Variants in PAWR observed in about 807,000 individuals in gnomAD.
The protein encoded by PAWR is pro-apoptotic WT1 regulator.
Under a neutral mutation model 32.0 loss-of-function variants are expected in PAWR, and 23 were observed. The observed-to-expected ratio is 0.72, with a 90% CI of 0.52 to 1.02. The LOEUF is 1.02. Ranked by LOEUF, PAWR falls within the 50% of genes least tolerant of loss-of-function variation. The pLI, the probability that PAWR is intolerant of heterozygous loss-of-function variation, is 0.00. For synonymous variants in PAWR, 226 were observed against 187.1 expected (o/e 1.21, Z -1.70); for missense variants, 457 against 437.7 (o/e 1.04, Z -0.39).
At position 79,592,655 on chromosome 12, in the gene PAWR, C is replaced by A; in HGVS notation, c.975G>T (p.Lys325Asn). ...CTTTCAAAAGAGTTTTATTTTCCTG[C>A]TTTAGCTGTTCATTTTCATCTTCTA... is the stretch of plus-strand genomic sequence containing the variant. ...DDIEDENEQL[K>N]QENKTLLKVV... Residue 325 changes from lysine (K) to asparagine (N), a missense_variant, in exon 7 of 7, where the codon AAG (lysine) becomes AAT (asparagine). Physicochemically the swap from Lys to Asn is moderately conservative, Grantham distance 94. Transcript: ENST00000328827. The A allele has an allele frequency of 1.3e-6, 1 of 767,624 alleles. No homozygotes were observed. 47.6% of individuals were successfully genotyped at this position (767,624 alleles called of 1,614,324 possible).
chr12:79,591,576 T>C lies in PAWR; in HGVS notation c.*1031A>G, dbSNP rs1873557705. The stretch of plus-strand genomic sequence containing the variant: ...TTTAGAAGTAACTCTGTTTTTAAAA[T>C]TTCAATGTTAGGAAGAAAATCCCTT... On this transcript the variant is annotated 3_prime_UTR_variant, in exon 7 of 7. Coordinates refer to ENST00000328827, the MANE Select transcript of PAWR (RefSeq NM_002583.4). The C allele has an allele frequency of 1.3e-5, 2 of 152,128 alleles. No homozygotes were observed. 9.4% of individuals were successfully genotyped at this position (152,128 alleles called of 1,614,324 possible).
intron 2 of PAWR, among the ~76,000 whole-genome samples, chr12:79,662,876 G>A (rs1407289380): frequency 6.6e-6 from 1 of 151,958 alleles, no homozygotes; most frequent in African/African-American, 2.4e-5. Context: ...TTAATCACAA[G>A]GAAATAATTA....
chr12:79,689,269 C>T (rs950403119), intron 2 of PAWR, among the ~76,000 whole-genome samples: 1 of 152,212 alleles, frequency 6.6e-6, no homozygotes, highest in Non-Finnish European at 1.5e-5. Flanking sequence ...GCTAAGGCAA[C>T]ATTTTCTTTA....
chr12:79,647,929 AC>A (rs1016532101), intron 2 of PAWR, among the ~76,000 whole-genome samples: 17 of 152,070 alleles, frequency 1.1e-4, no homozygotes, highest in African/African-American at 4.1e-4. Context: ...AAACTGTTCT[AC>A]CTCAGATCAT....
chr12:79,690,480 G>T, intron 1 of PAWR, 89 bp from the exon 2 acceptor site: 1 of 751,802 alleles, frequency 1.3e-6, no homozygotes, highest in East Asian at 3.6e-5. Context: ...GCCCCTTGGA[G>T]TCCTCGAGCG....
At chr12:79,624,976 T>C (rs1875212409) in intron 2 of PAWR, among the ~76,000 whole-genome samples, 1 of 152,208 alleles carries the variant, frequency 6.6e-6, no homozygotes, top group East Asian at 1.9e-4. Flanking sequence ...AATGAATATG[T>C]CAATTTGGCA....
intron 3 of PAWR, among the ~76,000 whole-genome samples, chr12:79,614,082 C>T (rs1874610700): frequency 7.2e-6 from 1 of 138,432 alleles, no homozygotes; most frequent in African/African-American, 2.6e-5. Flanking sequence ...GTCATCTGGG[C>T]TCACCGCAAC....
At chr12:79,628,446 G>T (rs1875450112) in intron 2 of PAWR, among the ~76,000 whole-genome samples, 1 of 151,996 alleles carries the variant, frequency 6.6e-6, no homozygotes, top group Non-Finnish European at 1.5e-5. Flanking sequence ...CAGAAGGCAA[G>T]AAATAACTAA....
rs975014070 is a variant in PAWR, at chr12:79,589,506, TGATA to T, written c.*3097_*3100del. 2.6e-5 allele frequency: 4 copies of T among 152,022 alleles called. No individual in the cohort carries two copies. Among genetic ancestry groups the T allele is most frequent in the African/African-American group, 9.7e-5 (4 of 41,422 alleles). 9.4% of individuals were successfully genotyped at this position (152,022 alleles called of 1,614,324 possible). ...AAAAAACTACATTGCTCCACATACC[TGATA>T]CTTAATTTTCTATGTTTGAAACTAC... On this transcript the variant is annotated 3_prime_UTR_variant, in exon 7 of 7. Transcript: ENST00000328827.
intron 3 of PAWR, among the ~76,000 whole-genome samples, chr12:79,614,243 C>T (rs1288179528): frequency 6.6e-6 from 1 of 151,062 alleles, no homozygotes. Context: ...CTCCTGACCT[C>T]GGGTGATCCG....
chr12:79,667,498 C>T (rs1195237714), intron 2 of PAWR, among the ~76,000 whole-genome samples: 9 of 151,972 alleles, frequency 5.9e-5, no homozygotes, highest in Admixed American at 5.9e-4. Flanking sequence ...CTTTATTCAA[C>T]AGATAAACTG....
At chr12:79,639,125 C>T (rs1876156256) in intron 2 of PAWR, among the ~76,000 whole-genome samples, 1 of 150,258 alleles carries the variant, frequency 6.7e-6, no homozygotes, top group Admixed American at 6.7e-5. Context: ...GTTGGTCAGG[C>T]TGGTCTCGAA....
Position 79,674,389 on chromosome 12 carries a change from A to T in PAWR, c.516+15340T>A, listed in dbSNP as rs74958478. Among the ~76,000 whole-genome samples, 546 of 125,086 alleles carry T rather than the reference A, an allele frequency of 4.4e-3. 3 individuals are homozygous for T. The highest frequency in any genetic ancestry group is 0.015 in the Middle Eastern group (4 of 268). 82.1% of individuals were successfully genotyped at this position (125,086 alleles called of 152,430 possible). On this transcript the variant is annotated intron_variant, in intron 2 of 6. Transcript: ENST00000328827. Reference sequence around the variant, plus strand: ...ATTGGACCCCTTCTTTTCACCAGATAAAAAAAAAAAAATCAACTCAAATGG... The same window carrying T: ...ATTGGACCCCTTCTTTTCACCAGATTAAAAAAAAAAAATCAACTCAAATGG...
chr12:79,596,527 A>G lies in PAWR; in HGVS notation c.815T>C (p.Ile272Thr), dbSNP rs764836104. The change falls in exon 5 of 7, where the codon ATT (isoleucine) becomes ACT (threonine). Residue 272 changes from isoleucine to threonine, a missense_variant. Ile to Thr is a moderately conservative substitution (Grantham distance 89, BLOSUM62 -1). Coordinates refer to ENST00000328827, the MANE Select transcript of PAWR (RefSeq NM_002583.4). ...AATCCATACCTTTTCAAGATCTTCA[A>G]TTTTCTTTTCCAGTGTGCTACTTGA... ...LVSSSTLEKK[I>T]EDLEKEVVRE... 6.4e-7 allele frequency: 1 copy of G among 1,563,396 alleles called. No homozygotes were observed. The highest frequency in any genetic ancestry group is 1.2e-5 in the South Asian group (1 of 85,708).
At chr12:79,654,986 T>C (rs1359081861) in intron 2 of PAWR, among the ~76,000 whole-genome samples, 1 of 152,194 alleles carries the variant, frequency 6.6e-6, no homozygotes, top group Non-Finnish European at 1.5e-5. Context: ...TTCTGTTCAA[T>C]AACAATCAAG....
rs1875627568 is a variant in PAWR, at chr12:79,631,581, C to T, written c.517-10374G>A. 2.0e-5 allele frequency among the ~76,000 whole-genome samples: 3 copies of T among 151,978 alleles called. No individual in the cohort carries two copies. In the South Asian group the frequency reaches 6.2e-4, roughly 31 times the overall value. The stretch of plus-strand genomic sequence containing the variant: ...TAAAATACAAACAAAATACAAAAAA[C>T]ACACTATACCCTTACATTACAACTA... On this transcript the variant is annotated intron_variant, in intron 2 of 6. Coordinates refer to ENST00000328827, the MANE Select transcript of PAWR (RefSeq NM_002583.4).
At chr12:79,667,317 C>T (rs971629093) in intron 2 of PAWR, among the ~76,000 whole-genome samples, 1 of 152,070 alleles carries the variant, frequency 6.6e-6, no homozygotes, top group African/African-American at 2.4e-5. Flanking sequence ...GTACAAAATA[C>T]CACATATAAT....
chr12:79,683,948 T>C (rs1319477219), intron 2 of PAWR, among the ~76,000 whole-genome samples: 1 of 152,192 alleles, frequency 6.6e-6, no homozygotes, highest in East Asian at 1.9e-4. Flanking sequence ...GATATTAAAT[T>C]ATTTTAAGTT....
In PAWR at chr12:79,633,514, G is replaced by GT. The variant is rs144016691; in HGVS notation, c.517-12308dup. Among the ~76,000 whole-genome samples the GT allele has an allele frequency of 6.5e-3, 995 of 152,016 alleles. 11 individuals carry two copies. Among genetic ancestry groups the GT allele is most frequent in the African/African-American group, 0.02 (811 of 41,460 alleles). On this transcript the variant is annotated intron_variant, in intron 2 of 6. Transcript: ENST00000328827. ...TTTAGCAGCATAAAGTCAGCTGTTT[G>GT]TTTTTTTGTTGTTGTTTTTCTTTTA...
Sources: gnomAD v4.1 joint callset for allele counts (sites outside exome capture counted in the v4.1 genomes callset) on GRCh38, gnomAD v4.1.1 for gene constraint, MANE v1.5 for transcripts, NCBI Gene and HGNC (gene_info 2026-07-23, HGNC 2026-07-21) for gene names.